DAAM1: variants seen among roughly 807,000 people sequenced by gnomAD.
DAAM1 encodes dishevelled associated activator of morphogenesis 1.
DAAM1 carries 52 observed loss-of-function variants against 130.0 expected under a neutral mutation model. The ratio of observed to expected loss-of-function variants is 0.40; its 90% CI spans 0.32 to 0.50. The LOEUF (loss-of-function observed/expected upper bound fraction) is 0.50, where lower values mean the gene tolerates loss of function less well. Among genes scored for constraint, DAAM1 ranks in the 20% least tolerant of loss-of-function variants. The pLI is 0.61. For synonymous variants in DAAM1, 452 were observed against 444.5 expected, an observed-to-expected ratio of 1.02 and a Z score of -0.21; for missense variants, 1,134 against 1,303.8, an observed-to-expected ratio of 0.87 and a Z score of 2.01.
intron 1 of DAAM1, among the ~76,000 whole-genome samples, chr14:59,244,426 C>T (rs936255046): frequency 1.3e-5 from 2 of 152,140 alleles, no homozygotes; most frequent in Non-Finnish European, 2.9e-5. Context: ...TCTCACATAG[C>T]TCCTGGAATG....
chr14:59,316,126 A>G (rs1321088769), intron 4 of DAAM1, among the ~76,000 whole-genome samples: 1 of 152,176 alleles, frequency 6.6e-6, no homozygotes, highest in East Asian at 1.9e-4. Flanking sequence ...GAGGTTGCCC[A>G]TAGTAGAATG....
At chr14:59,220,521 T>G (rs1425714968) in intron 1 of DAAM1, among the ~76,000 whole-genome samples, 2 of 152,178 alleles carry the variant, frequency 1.3e-5, no homozygotes, top group Non-Finnish European at 2.9e-5. Flanking sequence ...ACTTTATTAG[T>G]CTTTGTTTTC....
At chr14:59,323,297 C>G (rs1224628316) in intron 6 of DAAM1, 72 bp downstream of exon 6, 1 of 1,428,696 alleles carries the variant, frequency 7.0e-7, no homozygotes, top group Non-Finnish European at 9.3e-7. Flanking sequence ...TTTCCTGTCC[C>G]TGAAAGGGGA....
Position 59,363,679 on chromosome 14 carries a change from C to T in DAAM1, c.2723C>T (p.Pro908Leu). Reference sequence around the variant, plus strand: ...CTGGAATATCAGAAGTCTCAGCCCCCACAGCCCGGAGATAAGTTTGTGTCT... The same window carrying T: ...CTGGAATATCAGAAGTCTCAGCCCCTACAGCCCGGAGATAAGTTTGTGTCT... Reference protein sequence around the residue: ...TELEYQKSQPPQPGDKFVSVV... With the variant: ...TELEYQKSQPLQPGDKFVSVV... The change falls in exon 23 of 25, where the codon CCA (proline) becomes CTA (leucine). Residue 908 changes from proline to leucine, a missense_variant. Physicochemically the swap from Pro to Leu is moderately conservative, Grantham distance 98. Transcript: ENST00000360909. 6.2e-7 allele frequency: 1 copy of T among 1,614,136 alleles called. No individual in the cohort carries two copies. The highest frequency in any genetic ancestry group is 8.5e-7 in the Non-Finnish European group (1 of 1,179,986).
chr14:59,241,655 C>G (rs902808856), intron 1 of DAAM1, among the ~76,000 whole-genome samples: 1 of 152,170 alleles, frequency 6.6e-6, no homozygotes, highest in African/African-American at 2.4e-5. Flanking sequence ...ATTCAAACAT[C>G]GGAAGCAGAA....
intron 6 of DAAM1, 79 bp from the exon 7 acceptor site, chr14:59,324,049 A>C (rs750564308): frequency 6.3e-5 from 64 of 1,009,756 alleles, no homozygotes; most frequent in Non-Finnish European, 7.7e-5. Context: ...AAAAAAGTTA[A>C]CTTTTGAGTA....
chr14:59,192,601 A>G (rs559309614), intron 1 of DAAM1, among the ~76,000 whole-genome samples: 85 of 152,376 alleles, frequency 5.6e-4, no homozygotes, highest in African/African-American at 1.9e-3. Flanking sequence ...GACACCAGTC[A>G]AAATAGAAGT....
At chr14:59,355,054 C>A in intron 19 of DAAM1, 111 bp from the exon 20 acceptor site, 2 of 1,393,326 alleles carry the variant, frequency 1.4e-6, no homozygotes, top group Non-Finnish European at 2.0e-6. Flanking sequence ...AGTCTTACAT[C>A]TTCAATATCT....
At chr14:59,233,113 C>G (rs1889166397) in intron 1 of DAAM1, among the ~76,000 whole-genome samples, 1 of 152,064 alleles carries the variant, frequency 6.6e-6, no homozygotes, top group Non-Finnish European at 1.5e-5. Flanking sequence ...GTGCATGTGT[C>G]TTTATAGTAG....
At chr14:59,267,900 C>T (rs1454193551) in intron 2 of DAAM1, among the ~76,000 whole-genome samples, 1 of 99,576 alleles carries the variant, frequency 1.0e-5, no homozygotes, top group Admixed American at 1.5e-4. Context: ...ATACGCCCCC[C>T]CCTTTTTTTT....
At chr14:59,315,088 C>T (rs1441005170) in intron 3 of DAAM1, among the ~76,000 whole-genome samples, 192 bp from the exon 4 acceptor site, 2 of 152,174 alleles carry the variant, frequency 1.3e-5, no homozygotes, top group Non-Finnish European at 2.9e-5. Flanking sequence ...GGAAATTGAG[C>T]TGGGAAGACC....
At chr14:59,338,588 C>T (rs558494130) in intron 15 of DAAM1, among the ~76,000 whole-genome samples, 24 of 152,202 alleles carry the variant, frequency 1.6e-4, no homozygotes, top group South Asian at 1.0e-3. Flanking sequence ...TCTAGAGGTT[C>T]GCCTGAAATT....
At chr14:59,258,705 T>C (rs897897327) in intron 1 of DAAM1, among the ~76,000 whole-genome samples, 1 of 152,078 alleles carries the variant, frequency 6.6e-6, no homozygotes, top group Admixed American at 6.5e-5. Context: ...TGGAGCTCCA[T>C]ATATGGGGAA....
chr14:59,197,635 T>C (rs999896906), intron 1 of DAAM1, among the ~76,000 whole-genome samples: 1 of 152,252 alleles, frequency 6.6e-6, no homozygotes, highest in African/African-American at 2.4e-5. Context: ...TTGCCTATGA[T>C]ATTTTCTGCT....
chr14:59,229,310 T>G (rs778627636), intron 1 of DAAM1, among the ~76,000 whole-genome samples: 19 of 152,242 alleles, frequency 1.2e-4, no homozygotes, highest in Non-Finnish European at 2.9e-5. Context: ...TGTGAGTTGT[T>G]ACCTCTTTAG....
chr14:59,303,656 G>C (rs931668944), intron 3 of DAAM1, among the ~76,000 whole-genome samples: 2 of 152,212 alleles, frequency 1.3e-5, no homozygotes, highest in Admixed American at 6.5e-5. Context: ...CCGCACTTTG[G>C]GGGGCCAAGG....
chr14:59,272,669 A>AT (rs1882774935), intron 2 of DAAM1, among the ~76,000 whole-genome samples: 1 of 151,354 alleles, frequency 6.6e-6, no homozygotes, highest in Non-Finnish European at 1.5e-5. Flanking sequence ...GTATGTATGT[A>AT]GGAGAGAGGG....
intron 1 of DAAM1, among the ~76,000 whole-genome samples, chr14:59,232,182 C>A (rs1889130197): frequency 6.6e-6 from 1 of 152,150 alleles, no homozygotes; most frequent in African/African-American, 2.4e-5. Context: ...GTTATAAACA[C>A]CCATACCTGT....
Position 59,369,984 on chromosome 14 carries a change from A to G in DAAM1, c.*1125A>G, listed in dbSNP as rs1887094713. 1 of 151,846 alleles carries G rather than the reference A, an allele frequency of 6.6e-6. No homozygotes were observed. The highest frequency in any genetic ancestry group is 1.5e-5 in the Non-Finnish European group (1 of 67,904). 9.4% of individuals were successfully genotyped at this position (151,846 alleles called of 1,614,324 possible). On this transcript the variant is annotated 3_prime_UTR_variant, in exon 25 of 25. Transcript: ENST00000360909. ...TCATTTTAAAATTGTGTGTCAGTAA[A>G]GCTACCTGTAAAATTTCAGTCCAAA...
Sources: gnomAD v4.1 joint callset for allele counts (sites outside exome capture counted in the v4.1 genomes callset) on GRCh38, gnomAD v4.1.1 for gene constraint, MANE v1.5 for transcripts, NCBI Gene and HGNC (gene_info 2026-07-23, HGNC 2026-07-21) for gene names.